Variants in RPS6KC1 observed in about 807,000 individuals in gnomAD.
RPS6KC1 encodes the protein inactive ribosomal protein S6 kinase delta-1.
RPS6KC1 carries 54 observed loss-of-function variants against 103.8 expected under a neutral mutation model. That is an observed-to-expected ratio of 0.52 (90% confidence interval 0.42 to 0.65). The LOEUF (loss-of-function observed/expected upper bound fraction) is 0.65, where lower values mean the gene tolerates loss of function less well. RPS6KC1 is among the 30% of genes least tolerant of loss of function. The pLI, the probability that RPS6KC1 is intolerant of heterozygous loss-of-function variation, is 0.00. For missense variants in RPS6KC1, 1,151 were observed against 1,253.8 expected (o/e 0.92, Z 1.24); for synonymous variants, 439 against 438.7 (o/e 1.00, Z -0.01).
the RPS6KC1 span, among the ~76,000 whole-genome samples, chr1:213,393,749 A>G: frequency 2.0e-5 from 3 of 152,190 alleles, no homozygotes; most frequent in South Asian, 6.2e-4. Flanking sequence ...GAAATGGGGA[A>G]TGAATGGGAT....
chr1:213,611,576 T>G, the RPS6KC1 span, among the ~76,000 whole-genome samples: 1 of 152,160 alleles, frequency 6.6e-6, no homozygotes, highest in Admixed American at 6.5e-5. Flanking sequence ...TACGTAGTCA[T>G]GTAAAGTTGG....
intron 12 of RPS6KC1, among the ~76,000 whole-genome samples, chr1:213,249,451 G>A (rs563561065): frequency 1.3e-5 from 2 of 152,208 alleles, no homozygotes; most frequent in Non-Finnish European, 2.9e-5. Flanking sequence ...TGAGGATAAG[G>A]CAAGTAGGAT....
At chr1:213,401,632 G>A in the RPS6KC1 span, among the ~76,000 whole-genome samples, 1 of 152,126 alleles carries the variant, frequency 6.6e-6, no homozygotes, top group South Asian at 2.1e-4. Flanking sequence ...ACTCTCTCCA[G>A]AGTGGGCCCA....
the RPS6KC1 span, among the ~76,000 whole-genome samples, chr1:213,477,851 T>A: frequency 6.6e-6 from 1 of 152,210 alleles, no homozygotes; most frequent in Non-Finnish European, 1.5e-5. Context: ...ACATGTTTTA[T>A]AATCAATGGG....
intron 7 of RPS6KC1, among the ~76,000 whole-genome samples, chr1:213,168,372 G>T (rs1407622268): frequency 6.6e-6 from 1 of 152,092 alleles, no homozygotes; most frequent in African/African-American, 2.4e-5. Flanking sequence ...TATGCTATTG[G>T]TCACCTGGAA....
At chr1:213,709,864 TTGCACTG>T in the RPS6KC1 span, among the ~76,000 whole-genome samples, 1 of 152,242 alleles carries the variant, frequency 6.6e-6, no homozygotes, top group African/African-American at 2.4e-5. Flanking sequence ...TCTAATTTCA[TTGCACTG>T]TGGTCTGACA....
chr1:213,859,731 C>T, the RPS6KC1 span, among the ~76,000 whole-genome samples: 1 of 152,138 alleles, frequency 6.6e-6, no homozygotes, highest in Admixed American at 6.5e-5. Flanking sequence ...GAGTGCTTTA[C>T]AGGTATCACC....
At chr1:213,726,583 A>T in the RPS6KC1 span, among the ~76,000 whole-genome samples, 1 of 151,974 alleles carries the variant, frequency 6.6e-6, no homozygotes, top group African/African-American at 2.4e-5. Context: ...CTCTTGTTCA[A>T]CTAAGTAATA....
At chr1:213,190,129 T>C (rs2092696151) in intron 8 of RPS6KC1, among the ~76,000 whole-genome samples, 1 of 152,162 alleles carries the variant, frequency 6.6e-6, no homozygotes, top group Non-Finnish European at 1.5e-5. Flanking sequence ...GTGCAAGTAT[T>C]TCTTTGATTT....
the RPS6KC1 span, among the ~76,000 whole-genome samples, chr1:213,790,295 G>A: frequency 1.3e-5 from 2 of 152,084 alleles, no homozygotes; most frequent in Non-Finnish European, 2.9e-5. Flanking sequence ...CTATCCTATG[G>A]TCACTTGATC....
chr1:213,607,090 C>A, the RPS6KC1 span, among the ~76,000 whole-genome samples: 2 of 152,148 alleles, frequency 1.3e-5, no homozygotes, highest in Non-Finnish European at 2.9e-5. Context: ...GTATGTCTTA[C>A]GTGCTCAGCA....
intron 6 of RPS6KC1, among the ~76,000 whole-genome samples, chr1:213,138,043 T>C (rs2086585902): frequency 6.6e-6 from 1 of 151,758 alleles, no homozygotes; most frequent in African/African-American, 2.4e-5. Flanking sequence ...TTTGTTTGTT[T>C]CTTGAGAGGT....
the RPS6KC1 span, among the ~76,000 whole-genome samples, chr1:213,691,176 G>A: frequency 6.6e-6 from 1 of 152,100 alleles, no homozygotes; most frequent in Non-Finnish European, 1.5e-5. Flanking sequence ...CCACCCCCAA[G>A]GTACCCTATC....
At chr1:213,855,755 G>A in the RPS6KC1 span, among the ~76,000 whole-genome samples, 54 of 152,214 alleles carry the variant, frequency 3.5e-4, no homozygotes, top group Non-Finnish European at 5.6e-4. Flanking sequence ...ACACATCCAC[G>A]ACCAGCTTTT....
chr1:213,752,310 G>C, the RPS6KC1 span, among the ~76,000 whole-genome samples: 1 of 151,754 alleles, frequency 6.6e-6, no homozygotes, highest in South Asian at 2.1e-4. Context: ...CTGGATCACA[G>C]TCCAAAAACA....
At chr1:213,565,764 C>T in the RPS6KC1 span, among the ~76,000 whole-genome samples, 24 of 152,034 alleles carry the variant, frequency 1.6e-4, no homozygotes, top group Admixed American at 3.3e-4. Context: ...AAACAAATAT[C>T]GAACTTCATT....
At chr1:213,400,591 G>A in the RPS6KC1 span, among the ~76,000 whole-genome samples, 1 of 152,094 alleles carries the variant, frequency 6.6e-6, no homozygotes, top group African/African-American at 2.4e-5. Flanking sequence ...ACTTGCGCAA[G>A]GTCCTACTAA....
chr1:213,732,507 G>T, the RPS6KC1 span, among the ~76,000 whole-genome samples: 1 of 152,010 alleles, frequency 6.6e-6, no homozygotes, highest in Non-Finnish European at 1.5e-5. Flanking sequence ...ATTTTCCCAG[G>T]TCCTAGCCCA....
At chr1:213,336,223 C>G in the RPS6KC1 span, among the ~76,000 whole-genome samples, 1 of 152,134 alleles carries the variant, frequency 6.6e-6, no homozygotes, top group Non-Finnish European at 1.5e-5. Context: ...TGAAAACAGC[C>G]AATCAAGTTC....
Sources: gnomAD v4.1 joint callset for allele counts (sites outside exome capture counted in the v4.1 genomes callset) on GRCh38, gnomAD v4.1.1 for gene constraint, MANE v1.5 for transcripts, NCBI Gene and HGNC (gene_info 2026-07-23, HGNC 2026-07-21) for gene names.